GLO1: variants seen among roughly 807,000 people sequenced by gnomAD.
GLO1 encodes the protein lactoylglutathione lyase.
In GLO1, 28 loss-of-function variants were observed where a neutral mutation model predicts 26.0. The observed-to-expected ratio is 1.08, with a 90% confidence interval of 0.80 to 1.48. The LOEUF (loss-of-function observed/expected upper bound fraction) is 1.48, where lower values mean the gene tolerates loss of function less well. Ranked by LOEUF, GLO1 falls within the 40% of genes most tolerant of loss-of-function variation. The pLI, the probability that GLO1 is intolerant of heterozygous loss-of-function variation, is 0.00. For synonymous variants in GLO1, 78 were observed against 77.6 expected (o/e 1.00, Z -0.03); for missense variants, 225 against 224.8 (o/e 1.00, Z -0.01).
chr6:38,688,930 G>A (rs903001442), intron 1 of GLO1, among the ~76,000 whole-genome samples: 1 of 152,218 alleles, frequency 6.6e-6, no homozygotes, highest in Admixed American at 6.5e-5. Flanking sequence ...GAGAGAGAGC[G>A]AGCGTGCGCG....
intron 1 of GLO1, among the ~76,000 whole-genome samples, chr6:38,695,887 G>T (rs1422339972): frequency 6.6e-6 from 1 of 152,086 alleles, no homozygotes; most frequent in African/African-American, 2.4e-5. Context: ...CAGGTTACTA[G>T]CTTCTTCAGC....
At chr6:38,683,202 T>A in intron 3 of GLO1, 1 of 207,718 alleles carries the variant, frequency 4.8e-6, no homozygotes, top group Non-Finnish European at 9.6e-6. Flanking sequence ...CTCCATTCTA[T>A]TGATGAAACT....
At chr6:38,698,054 C>A (rs1237229583) in intron 1 of GLO1, among the ~76,000 whole-genome samples, 2 of 152,196 alleles carry the variant, frequency 1.3e-5, no homozygotes, top group Non-Finnish European at 2.9e-5. Context: ...TATCACCACT[C>A]CCCTAAACCG....
intron 5 of GLO1, 109 bp downstream of exon 5, chr6:38,681,903 G>T: frequency 1.5e-6 from 1 of 673,008 alleles, no homozygotes; most frequent in Non-Finnish European, 2.7e-6. Context: ...TTGAAGTGGA[G>T]ACTTCTGTTA....
At chr6:38,686,815 G>C (rs945577959) in intron 2 of GLO1, 77 bp downstream of exon 2, 7 of 814,568 alleles carry the variant, frequency 8.6e-6, no homozygotes, top group Non-Finnish European at 1.4e-5. Flanking sequence ...CAAACTTTAA[G>C]ATGGGTCTGA....
chr6:38,683,116 A>C, intron 3 of GLO1: 1 of 456,530 alleles, frequency 2.2e-6, no homozygotes, highest in Non-Finnish European at 3.9e-6. Context: ...AATAATAATA[A>C]TGCTCATTTA....
intron 1 of GLO1, among the ~76,000 whole-genome samples, chr6:38,701,427 A>C (rs1010157140): frequency 1.3e-5 from 2 of 149,858 alleles, no homozygotes; most frequent in Non-Finnish European, 2.9e-5. Context: ...AGAGAAATTT[A>C]GATACTGTGG....
At chr6:38,701,844 A>G (rs1055507862) in intron 1 of GLO1, among the ~76,000 whole-genome samples, 16 of 152,170 alleles carry the variant, frequency 1.1e-4, no homozygotes, top group Admixed American at 8.5e-4. Flanking sequence ...GGAATTTACA[A>G]ATGATGTAGT....
At position 38,687,131 on chromosome 6, in the gene GLO1, C is replaced by T; in HGVS notation, c.85-157G>A. The stretch of plus-strand genomic sequence containing the variant: ...AGTGGTATCTTCTGGTTGCAGGCCC[C>T]TGTGTGATGCAAGTCCAAAGTGTCA... On this transcript the variant is annotated intron_variant, in intron 1 of 5. Transcript: ENST00000373365. 2.0e-6 allele frequency: 2 copies of T among 983,626 alleles called. 1 individual carries two copies. The highest frequency in any genetic ancestry group is 1.2e-4 in the Admixed American group (2 of 16,270). The allele number at this position is 983,626 out of a possible 1,614,324, so 60.9% of individuals were successfully genotyped here. A position where few individuals can be genotyped will look rare whatever the true frequency, so the allele number is the denominator to read the frequency against.
intron 1 of GLO1, among the ~76,000 whole-genome samples, chr6:38,702,410 C>T (rs1349335092): frequency 6.6e-6 from 1 of 152,166 alleles, no homozygotes; most frequent in Non-Finnish European, 1.5e-5. Context: ...CTTTCAGATC[C>T]AAACTCTATG....
intron 2 of GLO1, among the ~76,000 whole-genome samples, chr6:38,685,230 T>C (rs774826650): frequency 6.6e-6 from 1 of 151,352 alleles, no homozygotes. Context: ...AATGGGGAGG[T>C]AGGCGAAGGA....
chr6:38,700,406 T>C (rs1259418699), intron 1 of GLO1, among the ~76,000 whole-genome samples: 2 of 152,208 alleles, frequency 1.3e-5, no homozygotes, highest in East Asian at 1.9e-4. Context: ...ATAATACATG[T>C]CATTTTATCC....
rs1197465713 is a variant in GLO1 at position 38,682,839 on chromosome 6, G to T, written c.345C>A (p.Tyr115Ter). 1 of 1,606,212 alleles carries T rather than the reference G, an allele frequency of 6.2e-7. No individual in the cohort carries two copies. The highest frequency in any genetic ancestry group is 2.2e-5 in the East Asian group (1 of 44,834). ...WGTEDDETQS[Y>*]HNGNSDPRGF... ...CTCGAGGGTCTGAATTGCCATTGTG[G>T]TAACTCTGGGTCTCATCATCTTCAG... is the stretch of plus-strand genomic sequence containing the variant. Residue 115 changes from tyrosine to a stop codon, truncating the protein, a stop_gained, in exon 4 of 6, where the codon TAC becomes TAA. Coordinates refer to ENST00000373365, the MANE Select transcript of GLO1 (RefSeq NM_006708.3). LOFTEE classifies it high-confidence loss of function.
intron 1 of GLO1, among the ~76,000 whole-genome samples, chr6:38,694,252 GA>G (rs1221406805): frequency 7.4e-5 from 11 of 149,520 alleles, no homozygotes; most frequent in Admixed American, 5.3e-4. Flanking sequence ...CAGACACTTG[GA>G]AAAAAAAAGG....
In GLO1 at chr6:38,702,971, C is replaced by T. The variant is rs1237696863; in HGVS notation, c.84G>A (p.Lys28=). The change falls in exon 1 of 6, where the codon AAG becomes AAA. Residue 28 remains lysine (K), a splice_region_variant and synonymous_variant. Coordinates refer to ENST00000373365, the MANE Select transcript of GLO1 (RefSeq NM_006708.3). The part of the protein sequence containing the change: ...SCCSDADPST[K]DFLLQQTMLR... ...CCGTTCCCTTCGGTCCTGTGCCCAC[C>T]TTGGTACTGGGGTCCGCGTCGGAGC... 2.6e-6 allele frequency: 4 copies of T among 1,545,572 alleles called. No homozygotes were observed. Among genetic ancestry groups the T allele is most frequent in the Non-Finnish European group, 3.6e-6 (4 of 1,121,746 alleles).
At chr6:38,692,475 A>G (rs1761545692) in intron 1 of GLO1, among the ~76,000 whole-genome samples, 1 of 152,134 alleles carries the variant, frequency 6.6e-6, no homozygotes, top group African/African-American at 2.4e-5. Context: ...CAATCATGTC[A>G]TCTTCAAATA....
chr6:38,690,827 A>C (rs1467013843), intron 1 of GLO1, among the ~76,000 whole-genome samples: 4 of 152,360 alleles, frequency 2.6e-5, no homozygotes, highest in South Asian at 4.1e-4. Context: ...AAAAACAAGA[A>C]GGGCTTATTT....
rs1761431271 is a variant in GLO1 at position 38,684,388 on chromosome 6, T to A, written c.294A>T (p.Thr98=). The change falls in exon 3 of 6, where the codon ACA becomes ACT. Residue 98 remains threonine (T), a synonymous_variant. Transcript: ENST00000373365. ...KIAWALSRKA[T]LELTHNWGTE... Reference sequence around the variant, plus strand: ...CTCATACTCACTGTGTCAGCTCAAGTGTAGCTTTTCTGGAGAGCGCCCAGG... The same window carrying A: ...CTCATACTCACTGTGTCAGCTCAAGAGTAGCTTTTCTGGAGAGCGCCCAGG... 1.3e-6 allele frequency: 2 copies of A among 1,512,764 alleles called. No homozygotes were observed. The highest frequency in any genetic ancestry group is 1.8e-6 in the Non-Finnish European group (2 of 1,125,126). 93.7% of individuals were successfully genotyped at this position (1,512,764 alleles called of 1,614,324 possible). A position where few individuals can be genotyped will look rare whatever the true frequency, so the allele number is the denominator to read the frequency against.
intron 2 of GLO1, among the ~76,000 whole-genome samples, 159 bp downstream of exon 2, chr6:38,686,726 AAGAACTT>A (rs2127546936): frequency 6.6e-6 from 1 of 152,342 alleles, no homozygotes; most frequent in East Asian, 1.9e-4. Flanking sequence ...AGAGAAGAAA[AAGAACTT>A]ACGAGAGAAG....
Sources: allele counts gnomAD v4.1 joint callset (sites outside exome capture counted in the v4.1 genomes callset), GRCh38; gene constraint gnomAD v4.1.1; transcripts MANE v1.5; gene names NCBI Gene and HGNC (gene_info 2026-07-23, HGNC 2026-07-21).